CD300E: variants seen among roughly 807,000 people sequenced by gnomAD.
CD300E encodes the protein CD300e molecule.
In CD300E, 14 loss-of-function variants were observed where a neutral mutation model predicts 20.9. The ratio of observed to expected loss-of-function variants is 0.67; its 90% CI spans 0.44 to 1.05. CD300E has a LOEUF of 1.05. Ranked by LOEUF, CD300E falls within the 50% of genes least tolerant of loss-of-function variation. The probability of loss-of-function intolerance (pLI) is 0.00; values close to 1 mark genes in which losing one functional copy is unlikely to be tolerated. For synonymous variants in CD300E, 102 were observed against 103.7 expected (o/e 0.98, Z 0.10); for missense variants, 237 against 253.9 (o/e 0.93, Z 0.45).
intron 1 of CD300E, 146 bp from the exon 2 acceptor site, chr17:74,617,611 AAGCCAAAG>A (rs2030932951): frequency 1.5e-6 from 1 of 685,138 alleles, no homozygotes; most frequent in Non-Finnish European, 2.5e-6. Flanking sequence ...CTTAGGACCT[AAGCCAAAG>A]AGTCCCTGTG....
chr17:74,612,284 A>C lies in CD300E; in HGVS notation c.*369T>G. The C allele has an allele frequency of 6.4e-6, 1 of 157,324 alleles. No homozygotes were observed. The allele number at this position is 157,324 out of a possible 1,614,324, so 9.7% of individuals were successfully genotyped here. A position where few individuals can be genotyped will look rare whatever the true frequency, so the allele number is the denominator to read the frequency against. On this transcript the variant is annotated 3_prime_UTR_variant, in exon 4 of 4. Transcript: ENST00000392619. ...CTCTCTCTCTCTCTCTCTCTGAGAC[A>C]GGGCTCTCTATGTTGCCCAGGCTGG... is the stretch of plus-strand genomic sequence containing the variant.
chr17:74,613,869 C>G (rs569126111), intron 3 of CD300E, 56 bp downstream of exon 3: 144 of 1,229,500 alleles, frequency 1.2e-4, no homozygotes, highest in South Asian at 3.3e-4. Context: ...ACCCCCACCC[C>G]CCAGCTTCCA....
intron 1 of CD300E, among the ~76,000 whole-genome samples, chr17:74,621,667 G>T (rs1354855531): frequency 6.6e-6 from 1 of 152,196 alleles, no homozygotes; most frequent in African/African-American, 2.4e-5. Flanking sequence ...AGATGATGTG[G>T]CAGAGAGGTC....
chr17:74,615,400 C>T (rs767730497), intron 2 of CD300E, among the ~76,000 whole-genome samples: 35 of 152,036 alleles, frequency 2.3e-4, no homozygotes, highest in Non-Finnish European at 4.3e-4. Context: ...GGAAGCCTGT[C>T]CTCAACCCGA....
intron 3 of CD300E, 77 bp from the exon 4 acceptor site, chr17:74,612,850 G>C (rs2030814467): frequency 1.3e-6 from 2 of 1,565,808 alleles, no homozygotes; most frequent in Non-Finnish European, 1.7e-6. Flanking sequence ...CTCTCCCCAT[G>C]CTCTGACTCT....
intron 1 of CD300E, among the ~76,000 whole-genome samples, chr17:74,620,170 C>T (rs1469307804): frequency 6.6e-6 from 1 of 151,872 alleles, no homozygotes. Context: ...AATCCTGTCT[C>T]TACTAAAAAT....
intron 3 of CD300E, 105 bp from the exon 4 acceptor site, chr17:74,612,878 G>A: frequency 6.8e-7 from 1 of 1,477,166 alleles, no homozygotes; most frequent in Admixed American, 2.0e-5. Context: ...AAATAACCCA[G>A]GAGCAGCCAG....
chr17:74,615,323 G>T (rs938061374), intron 2 of CD300E, among the ~76,000 whole-genome samples: 2 of 152,200 alleles, frequency 1.3e-5, no homozygotes, highest in Admixed American at 6.5e-5. Flanking sequence ...GGTTCAAGAG[G>T]GATGGGGAGG....
At position 74,617,130 on chromosome 17, in the gene CD300E, A is replaced by G; in HGVS notation, c.376T>C (p.Tyr126His). 6.2e-7 allele frequency: 1 copy of G among 1,613,932 alleles called. No homozygotes were observed. Among genetic ancestry groups the G allele is most frequent in the Non-Finnish European group, 8.5e-7 (1 of 1,179,806 alleles). Residue 126 changes from tyrosine to histidine, a missense_variant, in exon 2 of 4, where the codon TAT becomes CAT. By Grantham distance (83) the Tyr-to-His change is moderately conservative (BLOSUM62 2). Transcript: ENST00000392619. ...GGGGAGCTCTTACCTGGGGAAACAT[A>G]CACCCTAACCAGGTCCGAGGGATCG... The part of the protein sequence containing the change: ...SRDPSDLVRV[Y>H]VSPAITTPRR...
chr17:74,612,713 C>G lies in CD300E; in HGVS notation c.558G>C (p.Leu186=). 3 of 1,614,018 alleles carry G rather than the reference C, an allele frequency of 1.9e-6. No individual in the cohort carries two copies. The East Asian group carries it at 6.7e-5, about 36-fold the overall frequency. The change falls in exon 4 of 4, where the codon CTG becomes CTC. Residue 186 remains leucine, a synonymous_variant. Transcript: ENST00000392619. Reference sequence around the variant, plus strand: ...CCCAGAAGACAGCACCCAGCATGCTCAGGAGCAGGGGCAGCTTCAGAAGGA... The same window carrying G: ...CCCAGAAGACAGCACCCAGCATGCTGAGGAGCAGGGGCAGCTTCAGAAGGA... ...LVVLLKLPLL[L]SMLGAVFWVN... is the part of the protein sequence containing the mutation.
At chr17:74,615,800 G>A (rs1164081242) in intron 2 of CD300E, among the ~76,000 whole-genome samples, 1 of 152,070 alleles carries the variant, frequency 6.6e-6, no homozygotes, top group Non-Finnish European at 1.5e-5. Context: ...AGAAGAAAAT[G>A]TCAGGCTGGG....
intron 1 of CD300E, among the ~76,000 whole-genome samples, chr17:74,622,920 T>C (rs1284253268): frequency 6.6e-6 from 1 of 152,030 alleles, no homozygotes; most frequent in Non-Finnish European, 1.5e-5. Flanking sequence ...GTATTTTTAG[T>C]AGAGACAGGG....
chr17:74,622,256 TA>T (rs1437957640), intron 1 of CD300E, among the ~76,000 whole-genome samples: 1 of 151,084 alleles, frequency 6.6e-6, no homozygotes, highest in Non-Finnish European at 1.5e-5. Flanking sequence ...GGGAATGAGA[TA>T]GGGGTGGAAA....
chr17:74,611,147 T>C lies in CD300E; in HGVS notation c.*1506A>G, dbSNP rs1398450358. Reference sequence around the variant, plus strand: ...AGCTCCTTTCTTGCTCATCATCATATTTCCCGGGTTAATATAATTAATATG... The same window carrying C: ...AGCTCCTTTCTTGCTCATCATCATACTTCCCGGGTTAATATAATTAATATG... On this transcript the variant is annotated 3_prime_UTR_variant, in exon 4 of 4. Transcript: ENST00000392619. 6.6e-6 allele frequency: 1 copy of C among 152,230 alleles called. No homozygotes were observed. The highest frequency in any genetic ancestry group is 1.5e-5 in the Non-Finnish European group (1 of 68,042). The allele number at this position is 152,230 out of a possible 1,614,324, so 9.4% of individuals were successfully genotyped here. A position where few individuals can be genotyped will look rare whatever the true frequency, so the allele number is the denominator to read the frequency against.
rs581157 is a variant in CD300E, at chr17:74,617,450, T to C, written c.56A>G (p.Lys19Arg). The change falls in exon 2 of 4, where the codon AAG becomes AGG. Residue 19 changes from lysine to arginine, a missense_variant. Lys to Arg is a conservative substitution (Grantham distance 26). Coordinates refer to ENST00000392619, the MANE Select transcript of CD300E (RefSeq NM_181449.3). ...LLCLSGCLSL[K>R]GPGSVTGTAG... is the part of the protein sequence containing the mutation. ...AGTGCCAGTCACAGAGCCGGGGCCC[T>C]TCAGAGACAAACAGCCTGGAAAACA... 6.2e-7 allele frequency: 1 copy of C among 1,611,250 alleles called. No homozygotes were observed. Among genetic ancestry groups the C allele is most frequent in the Non-Finnish European group, 8.5e-7 (1 of 1,178,912 alleles).
chr17:74,614,089 A>T (rs770831576), intron 2 of CD300E, 56 bp from the exon 3 acceptor site: 1 of 1,318,358 alleles, frequency 7.6e-7, no homozygotes, highest in Non-Finnish European at 1.1e-6. Flanking sequence ...CCATGCACAG[A>T]ACACCCGTAT....
chr17:74,614,120 C>A, intron 2 of CD300E, 87 bp from the exon 3 acceptor site: 1 of 1,044,316 alleles, frequency 9.6e-7, no homozygotes, highest in East Asian at 2.5e-5. Context: ...CAGAATCACC[C>A]ACTCACAGAA....
intron 1 of CD300E, among the ~76,000 whole-genome samples, chr17:74,620,815 G>A (rs2031005020): frequency 6.6e-6 from 1 of 152,090 alleles, no homozygotes; most frequent in African/African-American, 2.4e-5. Context: ...AAAGATAAAG[G>A]CCAAGGTGAG....
chr17:74,619,029 G>T, intron 1 of CD300E: 1 of 465,534 alleles, frequency 2.1e-6, no homozygotes, highest in Non-Finnish European at 4.5e-6. Context: ...CCCCACCTAC[G>T]TTCTCCCCCA....
Sources: gnomAD v4.1 joint callset for allele counts (sites outside exome capture counted in the v4.1 genomes callset) on GRCh38, gnomAD v4.1.1 for gene constraint, MANE v1.5 for transcripts, NCBI Gene and HGNC (gene_info 2026-07-23, HGNC 2026-07-21) for gene names.